OR4M1: variants seen among roughly 807,000 people sequenced by gnomAD.
The protein encoded by OR4M1 is olfactory receptor family 4 subfamily M member 1, also known as olfactory receptor 4M1.
Under a neutral mutation model 9.8 loss-of-function variants are expected in OR4M1, and 7 were observed. The observed-to-expected ratio is 0.71, with a 90% CI of 0.41 to 1.34. The LOEUF (loss-of-function observed/expected upper bound fraction) is 1.34, where lower values mean the gene tolerates loss of function less well. OR4M1 is among the 40% of genes most tolerant of loss of function. OR4M1 has a pLI of 0.01. For synonymous variants in OR4M1, 121 were observed against 139.8 expected (o/e 0.87, Z 0.95); for missense variants, 331 against 380.4 (o/e 0.87, Z 1.08).
intron 1 of OR4M1, among the ~76,000 whole-genome samples, chr14:19,775,656 T>C (rs1265982533): frequency 6.8e-6 from 1 of 147,198 alleles, no homozygotes; most frequent in Admixed American, 6.8e-5. Context: ...TATACTTCAA[T>C]ATATTCAAGT....
At chr14:19,775,054 C>A (rs1196958626) in intron 1 of OR4M1, among the ~76,000 whole-genome samples, 1 of 152,250 alleles carries the variant, frequency 6.6e-6, no homozygotes, top group East Asian at 1.9e-4. Context: ...CGCTTAACTG[C>A]CATTAGACTT....
intron 1 of OR4M1, among the ~76,000 whole-genome samples, chr14:19,777,071 A>C (rs2138428817): frequency 1.1e-5 from 1 of 91,406 alleles, no homozygotes; most frequent in Admixed American, 1.3e-4. Context: ...TTTTCCTGTA[A>C]TGTTGTCTTA....
At position 19,781,287 on chromosome 14, in the gene OR4M1, G is replaced by A; in HGVS notation, c.*23G>A. 6.5e-7 allele frequency: 1 copy of A among 1,550,382 alleles called. No individual in the cohort carries two copies. Among genetic ancestry groups the A allele is most frequent in the Non-Finnish European group, 8.8e-7 (1 of 1,136,400 alleles). ...TGAAAGATAAATTATACATTTTATA[G>A]TCCTCCTGAGGATCATTGTCCTAAA... On this transcript the variant is annotated 3_prime_UTR_variant, in exon 2 of 2. Transcript: ENST00000641200.
intron 1 of OR4M1, among the ~76,000 whole-genome samples, 169 bp downstream of exon 1, chr14:19,773,762 G>T (rs1240875172): frequency 6.6e-6 from 1 of 151,998 alleles, no homozygotes; most frequent in Non-Finnish European, 1.5e-5. Flanking sequence ...GTGTAGAGCA[G>T]GTCATAGCTG....
rs2815959 is a variant in OR4M1 at position 19,781,297 on chromosome 14, G to A, written c.*33G>A. 378,609 of 1,461,420 alleles carry A rather than the reference G, an allele frequency of 0.26. 32,061 individuals are homozygous for A. The highest frequency in any genetic ancestry group is 0.29 in the Non-Finnish European group (309,038 of 1,068,076). 90.5% of individuals were successfully genotyped at this position (1,461,420 alleles called of 1,614,324 possible). Reference sequence around the variant, plus strand: ...ATTATACATTTTATAGTCCTCCTGAGGATCATTGTCCTAAAGCAGGAAGTA... The same window carrying A: ...ATTATACATTTTATAGTCCTCCTGAAGATCATTGTCCTAAAGCAGGAAGTA... On this transcript the variant is annotated 3_prime_UTR_variant, in exon 2 of 2. Transcript: ENST00000641200.
At position 19,777,387 on chromosome 14, in the gene OR4M1, C is replaced by T. The variant is rs563914157; in HGVS notation, c.-29-2907C>T. Among the ~76,000 whole-genome samples the T allele has an allele frequency of 1.6e-4, 24 of 152,032 alleles. No homozygotes were observed. The East Asian group carries it at 4.4e-3, about 28-fold the overall frequency. Reference sequence around the variant, plus strand: ...TAGAAAAATGTCACCAACTCAGAACCTTTTCTAAAATACTCCATCACACAC... The same window carrying T: ...TAGAAAAATGTCACCAACTCAGAACTTTTTCTAAAATACTCCATCACACAC... On this transcript the variant is annotated intron_variant, in intron 1 of 1. Coordinates refer to ENST00000641200, the MANE Select transcript of OR4M1 (RefSeq NM_001005500.2).
rs1594375893 is a variant in OR4M1, at chr14:19,776,217, A to C, written c.-30+2624A>C. On this transcript the variant is annotated intron_variant, in intron 1 of 1. Coordinates refer to ENST00000641200, the MANE Select transcript of OR4M1 (RefSeq NM_001005500.2). The stretch of plus-strand genomic sequence containing the variant: ...TCATTCTTAATTTACCTTTCTGAGA[A>C]TTTTACTCTTCATAGGATTTTAGAG... 2.0e-5 allele frequency among the ~76,000 whole-genome samples: 3 copies of C among 152,316 alleles called. No homozygotes were observed. The South Asian group carries it at 6.2e-4, about 32-fold the overall frequency.
intron 1 of OR4M1, among the ~76,000 whole-genome samples, chr14:19,776,823 A>G (rs1878322174): frequency 6.6e-6 from 1 of 152,012 alleles, no homozygotes; most frequent in African/African-American, 2.4e-5. Flanking sequence ...ACCTCATTTT[A>G]GACACAGAAG....
chr14:19,777,050 T>TATATATATATATATATA (rs57131693), intron 1 of OR4M1, among the ~76,000 whole-genome samples: 2 of 75,138 alleles, frequency 2.7e-5, no homozygotes, highest in African/African-American at 5.0e-5. Flanking sequence ...ATATATATAT[T>TATATATATATATATATA]GTTTGTTTGT....
chr14:19,775,346 C>T (rs1447831210), intron 1 of OR4M1, among the ~76,000 whole-genome samples: 12 of 152,068 alleles, frequency 7.9e-5, no homozygotes, highest in Non-Finnish European at 2.9e-5. Context: ...CTGACACTGT[C>T]TCGAAATATT....
At chr14:19,779,328 C>G (rs1445641510) in intron 1 of OR4M1, among the ~76,000 whole-genome samples, 1 of 152,184 alleles carries the variant, frequency 6.6e-6, no homozygotes, top group South Asian at 2.1e-4. Context: ...AGAAACAACT[C>G]TCTTGTATTT....
At chr14:19,778,533 C>T (rs1287706548) in intron 1 of OR4M1, among the ~76,000 whole-genome samples, 1 of 152,140 alleles carries the variant, frequency 6.6e-6, no homozygotes, top group African/African-American at 2.4e-5. Flanking sequence ...GGCATAATAG[C>T]AAAATATGTA....
intron 1 of OR4M1, among the ~76,000 whole-genome samples, chr14:19,779,801 T>G (rs1878413125): frequency 6.6e-6 from 1 of 152,256 alleles, no homozygotes; most frequent in Non-Finnish European, 1.5e-5. Context: ...TATGAAGCCT[T>G]GGGATCTCTT....
chr14:19,778,650 A>C (rs367676259), intron 1 of OR4M1, among the ~76,000 whole-genome samples: 1 of 152,220 alleles, frequency 6.6e-6, no homozygotes, highest in East Asian at 1.9e-4. Context: ...GTTAGTATAT[A>C]ACTAGCTCAA....
intron 1 of OR4M1, among the ~76,000 whole-genome samples, chr14:19,774,536 T>C (rs911139465): frequency 5.9e-5 from 9 of 152,254 alleles, no homozygotes; most frequent in African/African-American, 2.2e-4. Flanking sequence ...AATTACAATG[T>C]AATGAGTTAA....
chr14:19,780,384 G>C lies in OR4M1; in HGVS notation c.62G>C (p.Arg21Pro), dbSNP rs770223165. The stretch of plus-strand genomic sequence containing the variant: ...GTTCTCACTGGCCTATCCCAGACTC[G>C]GGAGGTCCAACTAGTCCTATTTGTT... ...EFVLTGLSQT[R>P]EVQLVLFVIF... Residue 21 changes from arginine (R) to proline (P), a missense_variant, in exon 2 of 2, where the codon CGG becomes CCG. By Grantham distance (103) the Arg-to-Pro change is moderately radical (BLOSUM62 -2). This residue lies in a region of OR4M1 where 209 missense variants were observed against 200.0 expected (regional missense o/e 1.04). Coordinates refer to ENST00000641200, the MANE Select transcript of OR4M1 (RefSeq NM_001005500.2). 93 of 1,613,996 alleles carry C rather than the reference G, an allele frequency of 5.8e-5. No individual in the cohort carries two copies. Among genetic ancestry groups the C allele is most frequent in the Non-Finnish European group, 6.9e-5 (82 of 1,179,980 alleles).
At chr14:19,774,212 T>C (rs1382044851) in intron 1 of OR4M1, among the ~76,000 whole-genome samples, 1 of 152,254 alleles carries the variant, frequency 6.6e-6, no homozygotes, top group Non-Finnish European at 1.5e-5. Flanking sequence ...GGGTGAAATA[T>C]GTATTTTAAC....
rs1594379539 is a variant in OR4M1, at chr14:19,781,539, T to C, written c.*275T>C. The C allele has an allele frequency of 2.5e-6, 1 of 400,746 alleles. No individual in the cohort carries two copies. The highest frequency in any genetic ancestry group is 4.4e-6 in the Non-Finnish European group (1 of 225,080). 24.8% of individuals were successfully genotyped at this position (400,746 alleles called of 1,614,324 possible). ...AAAGTACATTTTAACTAATTGTTTATTGAGTAACTACTCTGCAGAGGCTCT... is the reference window on the plus strand; with the variant it reads ...AAAGTACATTTTAACTAATTGTTTACTGAGTAACTACTCTGCAGAGGCTCT... On this transcript the variant is annotated 3_prime_UTR_variant, in exon 2 of 2. Coordinates refer to ENST00000641200, the MANE Select transcript of OR4M1 (RefSeq NM_001005500.2).
rs948674560 is a variant in OR4M1, at chr14:19,781,354, C to T, written c.*90C>T. The T allele has an allele frequency of 2.2e-5, 25 of 1,142,094 alleles. No individual in the cohort carries two copies. The highest frequency in any genetic ancestry group is 1.2e-4 in the Admixed American group (4 of 34,486). The allele number at this position is 1,142,094 out of a possible 1,614,324, so 70.7% of individuals were successfully genotyped here. ...GTAATAATGCTGCATTCACTTCCTC[C>T]GTTCATTTGTGTTCTTAAAATTTTA... On this transcript the variant is annotated 3_prime_UTR_variant, in exon 2 of 2. Transcript: ENST00000641200.
Sources: allele counts gnomAD v4.1 joint callset (sites outside exome capture counted in the v4.1 genomes callset), GRCh38; gene constraint gnomAD v4.1.1; regional missense constraint gnomAD v4.1.1; transcripts MANE v1.5; gene names NCBI Gene and HGNC (gene_info 2026-07-23, HGNC 2026-07-21).